The following DCUN1D5 variants were observed in gnomAD, a reference collection of about 807,000 sequenced individuals.
DCUN1D5 encodes defective in cullin neddylation 1 domain containing 5, also known as DCN1-like protein 5.
DCUN1D5 carries 10 observed loss-of-function variants against 38.3 expected under a neutral mutation model. The ratio of observed to expected loss-of-function variants is 0.26; its 90% CI spans 0.16 to 0.44. The LOEUF (loss-of-function observed/expected upper bound fraction) is 0.44, where lower values mean the gene tolerates loss of function less well. Among genes scored for constraint, DCUN1D5 ranks in the 20% least tolerant of loss-of-function variants. The probability of loss-of-function intolerance (pLI) is 1.00; values close to 1 mark genes in which losing one functional copy is unlikely to be tolerated. For missense variants in DCUN1D5, 148 were observed against 275.3 expected, an observed-to-expected ratio of 0.54 and a Z score of 3.27; for synonymous variants, 93 against 90.9, an observed-to-expected ratio of 1.02 and a Z score of -0.13.
chr11:103,064,217 T>C lies in DCUN1D5; in HGVS notation c.658+58A>G, dbSNP rs557669451. On this transcript the variant is annotated intron_variant, in intron 7 of 7. Coordinates refer to ENST00000260247, the MANE Select transcript of DCUN1D5 (RefSeq NM_032299.4). The surrounding 1 kb of genome is among the most constrained non-coding windows in gnomAD (Gnocchi z 4.5). ...ATGCTAATACTACACAAATGCATAC[T>C]CTCATTTAATATTTTTGGAAATTTT... 7.6e-7 allele frequency: 1 copy of C among 1,315,956 alleles called. No homozygotes were observed. Among genetic ancestry groups the C allele is most frequent in the Admixed American group, 1.8e-5 (1 of 56,888 alleles). The allele number at this position is 1,315,956 out of a possible 1,614,324, so 81.5% of individuals were successfully genotyped here.
chr11:103,091,975 A>G lies in DCUN1D5; in HGVS notation c.-103T>C. 1 of 1,125,092 alleles carries G rather than the reference A, an allele frequency of 8.9e-7. No individual in the cohort carries two copies. Among genetic ancestry groups the G allele is most frequent in the Non-Finnish European group, 1.2e-6 (1 of 805,876 alleles). 69.7% of individuals were successfully genotyped at this position (1,125,092 alleles called of 1,614,324 possible). A position where few individuals can be genotyped will look rare whatever the true frequency, so the allele number is the denominator to read the frequency against. On this transcript the variant is annotated 5_prime_UTR_variant, in exon 1 of 8. Coordinates refer to ENST00000260247, the MANE Select transcript of DCUN1D5 (RefSeq NM_032299.4). This position sits in a 1 kb window ranked among gnomAD's most constrained non-coding sequence, Gnocchi z 4.3. ...CACCCAGTTCCCAGAGACAGCAGCA[A>G]GCGGAGGAGCAGAGTCGCCAGCCCG...
intron 4 of DCUN1D5, among the ~76,000 whole-genome samples, chr11:103,074,744 T>C (rs1423214991): frequency 6.6e-6 from 1 of 152,150 alleles, no homozygotes; most frequent in Non-Finnish European, 1.5e-5. Flanking sequence ...AATTTAATTA[T>C]TCGGAGTCTG....
At chr11:103,080,179 G>A (rs1862521541) in intron 4 of DCUN1D5, among the ~76,000 whole-genome samples, 1 of 152,030 alleles carries the variant, frequency 6.6e-6, no homozygotes, top group African/African-American at 2.4e-5. Flanking sequence ...AGTTTTATGG[G>A]TTAAAATTAA....
At position 103,053,186 on chromosome 11, in the gene DCUN1D5, C is replaced by T. The variant is rs984536081; in HGVS notation, c.*9173G>A. ...GTCCTTCCTATGAAGTCAAACCAAT[C>T]CACTTTTAAAGACAGCCATAGTAGC... On this transcript the variant is annotated 3_prime_UTR_variant, in exon 8 of 8. Transcript: ENST00000260247. The surrounding 1 kb of genome is among the most constrained non-coding windows in gnomAD (Gnocchi z 4.8). 1 of 152,004 alleles carries T rather than the reference C, an allele frequency of 6.6e-6. No individual in the cohort carries two copies. Among genetic ancestry groups the T allele is most frequent in the African/African-American group, 2.4e-5 (1 of 41,392 alleles). 9.4% of individuals were successfully genotyped at this position (152,004 alleles called of 1,614,324 possible).
rs987058940 is a variant in DCUN1D5, at chr11:103,071,536, A to C, written c.342-4969T>G. ...TATCTATATGATCTATAATCTATAT[A>C]TAGATATTTTATATCTATTGATTTA... is the stretch of plus-strand genomic sequence containing the variant. On this transcript the variant is annotated intron_variant, in intron 4 of 7. Transcript: ENST00000260247. This position sits in a 1 kb window ranked among gnomAD's most constrained non-coding sequence, Gnocchi z 4.1. Among the ~76,000 whole-genome samples the C allele has an allele frequency of 1.0e-4, 15 of 149,740 alleles. No individual in the cohort carries two copies. The highest frequency in any genetic ancestry group is 3.6e-4 in the African/African-American group (15 of 41,154).
At position 103,054,890 on chromosome 11, in the gene DCUN1D5, T is replaced by C. The variant is rs1307721713; in HGVS notation, c.*7469A>G. The C allele has an allele frequency of 6.6e-6, 1 of 152,062 alleles. No homozygotes were observed. Among genetic ancestry groups the C allele is most frequent in the Non-Finnish European group, 1.5e-5 (1 of 67,974 alleles). 9.4% of individuals were successfully genotyped at this position (152,062 alleles called of 1,614,324 possible). A position where few individuals can be genotyped will look rare whatever the true frequency, so the allele number is the denominator to read the frequency against. On this transcript the variant is annotated 3_prime_UTR_variant, in exon 8 of 8. Transcript: ENST00000260247. ...TAGCACTAGAAAAAAACATAGTAGA[T>C]GGCAAACCTGTCACATAAGAAACAA...
Position 103,086,560 on chromosome 11 carries a change from T to G in DCUN1D5, c.178+2667A>C, listed in dbSNP as rs964070572. ...CATCTAACCCTTCTTTCTTCTCTAT[T>G]CCTGAACCTCACCATATTTATTATC... On this transcript the variant is annotated intron_variant, in intron 2 of 7. Coordinates refer to ENST00000260247, the MANE Select transcript of DCUN1D5 (RefSeq NM_032299.4). The surrounding 1 kb of genome is among the most constrained non-coding windows in gnomAD (Gnocchi z 4.1). Among the ~76,000 whole-genome samples the G allele has an allele frequency of 3.0e-4, 46 of 152,152 alleles. 3 individuals carry two copies. The highest frequency in any genetic ancestry group is 2.1e-4 in the South Asian group (1 of 4,828).
At position 103,058,194 on chromosome 11, in the gene DCUN1D5, AT is replaced by A. The variant is rs11332198; in HGVS notation, c.*4164del. Among the ~76,000 whole-genome samples, 19,698 of 152,140 alleles carry A rather than the reference AT, an allele frequency of 0.13. 1,317 individuals carry two copies. The highest frequency in any genetic ancestry group is 0.14 in the African/African-American group (5,920 of 41,514). On this transcript the variant is annotated 3_prime_UTR_variant, in exon 8 of 8. Transcript: ENST00000260247. ...CAGAAACCATGTAAAAATGAGCCAT[AT>A]TATAAGAGGTTCTAATACATGACAC...
At chr11:103,085,159 G>A (rs939184554) in intron 2 of DCUN1D5, among the ~76,000 whole-genome samples, 4 of 151,998 alleles carry the variant, frequency 2.6e-5, no homozygotes, top group African/African-American at 9.7e-5. Context: ...ATCAGCATAA[G>A]CTAGGAGCAG....
At position 103,077,715 on chromosome 11, in the gene DCUN1D5, A is replaced by T. The variant is rs112988704; in HGVS notation, c.341+5033T>A. ...GTAAGTGAGGCTCTCTTCCTAATCC[A>T]TAAGTCCCAGTGACTGTGCTGTGAC... On this transcript the variant is annotated intron_variant, in intron 4 of 7. Coordinates refer to ENST00000260247, the MANE Select transcript of DCUN1D5 (RefSeq NM_032299.4). This position sits in a 1 kb window ranked among gnomAD's most constrained non-coding sequence, Gnocchi z 4.3. Among the ~76,000 whole-genome samples, 1 of 152,252 alleles carries T rather than the reference A, an allele frequency of 6.6e-6. No homozygotes were observed. The highest frequency in any genetic ancestry group is 2.4e-5 in the African/African-American group (1 of 41,468).
At chr11:103,067,909 T>TC (rs988683940) in intron 4 of DCUN1D5, among the ~76,000 whole-genome samples, 11 of 151,958 alleles carry the variant, frequency 7.2e-5, no homozygotes, top group East Asian at 1.9e-4. Context: ...TTGCTACTTT[T>TC]CCCCCCCGTT....
At chr11:103,085,380 T>A (rs1020018042) in intron 2 of DCUN1D5, among the ~76,000 whole-genome samples, 1 of 152,174 alleles carries the variant, frequency 6.6e-6, no homozygotes, top group Non-Finnish European at 1.5e-5. Flanking sequence ...GAGGTTGCAG[T>A]GAGCCGAGAT....
intron 4 of DCUN1D5, among the ~76,000 whole-genome samples, chr11:103,075,004 C>T (rs1212130473): frequency 6.6e-6 from 1 of 152,144 alleles, no homozygotes; most frequent in Non-Finnish European, 1.5e-5. Context: ...TTCTAAAACA[C>T]ATTTTTGGCT....
At position 103,059,264 on chromosome 11, in the gene DCUN1D5, G is replaced by A. The variant is rs923600633; in HGVS notation, c.*3095C>T. Among the ~76,000 whole-genome samples the A allele has an allele frequency of 7.2e-5, 11 of 152,074 alleles. No individual in the cohort carries two copies. The highest frequency in any genetic ancestry group is 2.7e-4 in the African/African-American group (11 of 41,418). On this transcript the variant is annotated 3_prime_UTR_variant, in exon 8 of 8. Coordinates refer to ENST00000260247, the MANE Select transcript of DCUN1D5 (RefSeq NM_032299.4). ...GTGAAATGTTTCATTTTATACGTAT[G>A]TATCATGTATTCTGAATCTGTGCTA... is the stretch of plus-strand genomic sequence containing the variant.
At chr11:103,079,305 G>A (rs1043529349) in intron 4 of DCUN1D5, among the ~76,000 whole-genome samples, 1 of 152,116 alleles carries the variant, frequency 6.6e-6, no homozygotes, top group Non-Finnish European at 1.5e-5. Context: ...TTACAGTATT[G>A]TAATGTTTTC....
rs1862139085 is a variant in DCUN1D5, at chr11:103,066,541, T to C, written c.368A>G (p.Asn123Ser). 2 of 1,610,806 alleles carry C rather than the reference T, an allele frequency of 1.2e-6. No homozygotes were observed. The highest frequency in any genetic ancestry group is 1.7e-6 in the Non-Finnish European group (2 of 1,177,792). ...CTGTGAGCGCAAAAAGTCAAATTTG[T>C]TTTGTAACTTTTCTGTGCAGTCACA... ...LQCDCTEKLQ[N>S]KFDFLRSQLN... The change falls in exon 5 of 8, where the codon AAC becomes AGC. Residue 123 changes from asparagine (N) to serine (S), a missense_variant. Asn to Ser is a conservative substitution (Grantham distance 46). Transcript: ENST00000260247. This position sits in a 1 kb window ranked among gnomAD's most constrained non-coding sequence, Gnocchi z 4.7.
rs1429617953 is a variant in DCUN1D5, at chr11:103,091,304, A to G, written c.86+483T>C. 1.3e-5 allele frequency among the ~76,000 whole-genome samples: 2 copies of G among 152,124 alleles called. No homozygotes were observed. Among genetic ancestry groups the G allele is most frequent in the Non-Finnish European group, 2.9e-5 (2 of 68,022 alleles). On this transcript the variant is annotated intron_variant, in intron 1 of 7. Coordinates refer to ENST00000260247, the MANE Select transcript of DCUN1D5 (RefSeq NM_032299.4). The surrounding 1 kb of genome is among the most constrained non-coding windows in gnomAD (Gnocchi z 4.3). ...ACTAAATATGGAGGCCAATTATAGC[A>G]TACAAGTTTTCCTTTCTACCATTCC... is the stretch of plus-strand genomic sequence containing the variant.
Position 103,087,195 on chromosome 11 carries a change from G to A in DCUN1D5, c.178+2032C>T, listed in dbSNP as rs945280970. On this transcript the variant is annotated intron_variant, in intron 2 of 7. Coordinates refer to ENST00000260247, the MANE Select transcript of DCUN1D5 (RefSeq NM_032299.4). The surrounding 1 kb of genome is among the most constrained non-coding windows in gnomAD (Gnocchi z 4.1). Reference sequence around the variant, plus strand: ...TTTCTTTTTTTTTTTTTTTGAGGCAGAGTCTCACTCTGTCACCCAGGCTGG... The same window carrying A: ...TTTCTTTTTTTTTTTTTTTGAGGCAAAGTCTCACTCTGTCACCCAGGCTGG... Among the ~76,000 whole-genome samples the A allele has an allele frequency of 6.8e-6, 1 of 147,202 alleles. No individual in the cohort carries two copies. Among genetic ancestry groups the A allele is most frequent in the Non-Finnish European group, 1.5e-5 (1 of 67,200 alleles).
At chr11:103,072,065 T>C in intron 4 of DCUN1D5, among the ~76,000 whole-genome samples, 1 of 148,028 alleles carries the variant, frequency 6.8e-6, no homozygotes, top group African/African-American at 2.5e-5. Flanking sequence ...TAGAGGGGAG[T>C]GTCCTCAACT....
Sources: gnomAD v4.1 joint callset for allele counts (sites outside exome capture counted in the v4.1 genomes callset) on GRCh38, gnomAD v4.1.1 for gene constraint, Gnocchi (gnomAD v3.1) non-coding constraint, MANE v1.5 for transcripts, NCBI Gene and HGNC (gene_info 2026-07-23, HGNC 2026-07-21) for gene names.